The following CKAP5 variants were observed in gnomAD, a reference collection of about 807,000 sequenced individuals.
The protein encoded by CKAP5 is cytoskeleton associated protein 5.
A neutral mutation model predicts 232.8 loss-of-function variants in CKAP5; 27 were observed. The ratio of observed to expected loss-of-function variants is 0.12; its 90% CI spans 0.09 to 0.16. The LOEUF (loss-of-function observed/expected upper bound fraction) is 0.16. Ranked by LOEUF, CKAP5 falls within the 10% of genes least tolerant of loss-of-function variation. CKAP5 has a pLI of 1.00. For missense variants in CKAP5, 1,838 were observed against 2,424.7 expected (o/e 0.76, Z 5.08); for synonymous variants, 785 against 841.1 (o/e 0.93, Z 1.16).
At position 46,758,914 on chromosome 11, in the gene CKAP5, A is replaced by G; in HGVS notation, c.4689+9T>C. On this transcript the variant is annotated intron_variant, in intron 35 of 43. Transcript: ENST00000529230. The stretch of plus-strand genomic sequence containing the variant: ...AATGGAATCCCTGTCACGGGAGCAC[A>G]CCCATTACCTGTGTCAGAGCTTGGA... 6.2e-7 allele frequency: 1 copy of G among 1,613,332 alleles called. No homozygotes were observed. Among genetic ancestry groups the G allele is most frequent in the Non-Finnish European group, 8.5e-7 (1 of 1,179,726 alleles).
chr11:46,762,989 T>C lies in CKAP5; in HGVS notation c.3878A>G (p.Tyr1293Cys), dbSNP rs548517111. The change falls in exon 30 of 44, where the codon TAT becomes TGT. Residue 1293 changes from tyrosine (Y) to cysteine (C), a missense_variant. By Grantham distance (194) the Tyr-to-Cys change is radical. Transcript: ENST00000529230. ...TENEASSFIPYLVVKVGEPKD... is the reference protein window; with the variant it reads ...TENEASSFIPCLVVKVGEPKD... ...ACACCACATTACCTTGACGACAAGA[T>C]AGGGGATGAAGGAAGATGCTTCATT... 5 of 1,613,300 alleles carry C rather than the reference T, an allele frequency of 3.1e-6. No individual in the cohort carries two copies. The highest frequency in any genetic ancestry group is 3.3e-5 in the Admixed American group (2 of 60,004).
At chr11:46,844,005 G>A (rs1316991678) in intron 1 of CKAP5, among the ~76,000 whole-genome samples, 1 of 152,064 alleles carries the variant, frequency 6.6e-6, no homozygotes, top group African/African-American at 2.4e-5. Flanking sequence ...TGGATCATTT[G>A]AGGTCAGGAG....
In CKAP5 at chr11:46,765,108, G is replaced by A. The variant is rs533366841; in HGVS notation, c.3537+23C>T. ...ATAACAATACAAGCAAAAATCTCCT[G>A]ACGATTCTTAATCCTTCCTTACCTT... On this transcript the variant is annotated intron_variant, in intron 28 of 43. Transcript: ENST00000529230. 5.6e-6 allele frequency: 9 copies of A among 1,597,884 alleles called. No homozygotes were observed. In the African/African-American group the frequency reaches 1.2e-4, roughly 22 times the overall value.
intron 35 of CKAP5, among the ~76,000 whole-genome samples, chr11:46,755,429 G>A (rs1356735848): frequency 1.3e-5 from 2 of 151,712 alleles, no homozygotes; most frequent in African/African-American, 2.4e-5. Context: ...GGCTGGTCTC[G>A]AACTCTTGAC....
rs888218259 is a variant in CKAP5 at position 46,769,920 on chromosome 11, A to G, written c.3322+43T>C. ...GCTGAATGTCTTTTTAGAGTTCCTC[A>G]GGGCTATTTCCTTCCCCTTTAACCT... On this transcript the variant is annotated intron_variant, in intron 26 of 43. Transcript: ENST00000529230. 12 of 1,606,424 alleles carry G rather than the reference A, an allele frequency of 7.5e-6. No individual in the cohort carries two copies. The African/African-American group carries it at 1.3e-4, about 18-fold the overall frequency.
intron 42 of CKAP5, 110 bp downstream of exon 42, chr11:46,750,164 C>T (rs1007008191): frequency 7.0e-5 from 74 of 1,062,178 alleles, no homozygotes; most frequent in Non-Finnish European, 9.4e-5. Context: ...CATTTGGTGA[C>T]CATTAAGTAT....
intron 13 of CKAP5, among the ~76,000 whole-genome samples, chr11:46,792,547 T>C: frequency 6.8e-6 from 1 of 146,282 alleles, no homozygotes; most frequent in East Asian, 1.9e-4. Flanking sequence ...AAGGAGACTC[T>C]GTCTCAAAAA....
At chr11:46,776,846 A>AT (rs1485879865) in intron 23 of CKAP5, among the ~76,000 whole-genome samples, 1 of 150,306 alleles carries the variant, frequency 6.7e-6, no homozygotes, top group African/African-American at 2.4e-5. Flanking sequence ...ATTATATTAA[A>AT]TAAAGTTCCT....
chr11:46,770,074 C>T lies in CKAP5; in HGVS notation c.3211G>A (p.Ala1071Thr). The change falls in exon 26 of 44, where the codon GCC becomes ACC. Residue 1071 changes from alanine to threonine, a missense_variant. By Grantham distance (58) the Ala-to-Thr change is moderately conservative. Coordinates refer to ENST00000529230, the MANE Select transcript of CKAP5 (RefSeq NM_001008938.4). ...TTAACTTTGGCTTTCTCTAGCATGG[C>T]CAATACCTGATCTTTAGAAGTTGGC... ...LKPTSKDQVL[A>T]MLEKAKVNMP... 2 of 1,614,020 alleles carry T rather than the reference C, an allele frequency of 1.2e-6. No individual in the cohort carries two copies. Among genetic ancestry groups the T allele is most frequent in the Non-Finnish European group, 1.7e-6 (2 of 1,179,946 alleles).
At chr11:46,785,073 A>G (rs1304813095) in intron 16 of CKAP5, among the ~76,000 whole-genome samples, 2 of 152,174 alleles carry the variant, frequency 1.3e-5, no homozygotes, top group African/African-American at 4.8e-5. Context: ...GCCTACAAAA[A>G]CACTACAACC....
In CKAP5 at chr11:46,763,000, G is replaced by C. The variant is rs373595448; in HGVS notation, c.3867C>G (p.Ser1289=). 3 of 1,613,616 alleles carry C rather than the reference G, an allele frequency of 1.9e-6. No homozygotes were observed. The African/African-American group carries it at 4.0e-5, about 22-fold the overall frequency. Residue 1289 remains serine (S), a synonymous_variant, in exon 30 of 44, where the codon TCC becomes TCG. Coordinates refer to ENST00000529230, the MANE Select transcript of CKAP5 (RefSeq NM_001008938.4). ...EYHLTENEAS[S]FIPYLVVKVG... ...CCTTGACGACAAGATAGGGGATGAAGGAAGATGCTTCATTCTCAGTAAGAT... is the reference window on the plus strand; with the variant it reads ...CCTTGACGACAAGATAGGGGATGAACGAAGATGCTTCATTCTCAGTAAGAT...
At position 46,790,578 on chromosome 11, in the gene CKAP5, A is replaced by C. The variant is rs1475152786; in HGVS notation, c.1656T>G (p.Gly552=). Residue 552 remains glycine (G), a synonymous_variant, in exon 14 of 44, where the codon GGT becomes GGG. Coordinates refer to ENST00000529230, the MANE Select transcript of CKAP5 (RefSeq NM_001008938.4). ...PLKKAPAAKA[G]GPPKKGKPAA... ...CTGGTTTCCCCTTTTTTGGTGGCCC[A>C]CCAGCCTAAAAACAATTTAAAAAAT... 4 of 1,609,244 alleles carry C rather than the reference A, an allele frequency of 2.5e-6. No individual in the cohort carries two copies. The highest frequency in any genetic ancestry group is 3.4e-6 in the Non-Finnish European group (4 of 1,175,958).
At chr11:46,801,361 G>A in intron 8 of CKAP5, 57 bp from the exon 9 acceptor site, 1 of 1,339,522 alleles carries the variant, frequency 7.5e-7, no homozygotes, top group Admixed American at 1.7e-5. Context: ...GAAGGGTATT[G>A]AAATTTTATT....
At chr11:46,768,979 G>C (rs961621543) in intron 26 of CKAP5, among the ~76,000 whole-genome samples, 1 of 152,020 alleles carries the variant, frequency 6.6e-6, no homozygotes, top group African/African-American at 2.4e-5. Context: ...GAGTGCACTG[G>C]CGTGATCTTG....
intron 20 of CKAP5, among the ~76,000 whole-genome samples, 176 bp from the exon 21 acceptor site, chr11:46,778,775 A>G (rs544955058): frequency 6.6e-6 from 1 of 152,318 alleles, no homozygotes; most frequent in East Asian, 1.9e-4. Flanking sequence ...AGGTATTTTT[A>G]TACAAAACCT....
chr11:46,777,855 T>C (rs2065304532), intron 22 of CKAP5, among the ~76,000 whole-genome samples: 1 of 152,146 alleles, frequency 6.6e-6, no homozygotes, highest in East Asian at 1.9e-4. Flanking sequence ...CATTTAAAAA[T>C]CAGAAATCAT....
Position 46,751,077 on chromosome 11 carries a change from G to A in CKAP5, c.5460+41C>T, listed in dbSNP as rs1300037497. On this transcript the variant is annotated intron_variant, in intron 40 of 43. Transcript: ENST00000529230. Reference sequence around the variant, plus strand: ...CACCTTAGATAAGATCACTTCCGGTGTAGCCTCATGTCCCTCAATCTTTCA... The same window carrying A: ...CACCTTAGATAAGATCACTTCCGGTATAGCCTCATGTCCCTCAATCTTTCA... 5 of 1,612,408 alleles carry A rather than the reference G, an allele frequency of 3.1e-6. No homozygotes were observed. In the Admixed American group the frequency reaches 5.0e-5, roughly 16 times the overall value.
chr11:46,788,650 A>G lies in CKAP5; in HGVS notation c.1968+31T>C, dbSNP rs371590785. ...ATGATGTAATGTAAATTACTTCAAT[A>G]AAAGACATCAAATCTCACATTTTAA... is the stretch of plus-strand genomic sequence containing the variant. On this transcript the variant is annotated intron_variant, in intron 16 of 43. Coordinates refer to ENST00000529230, the MANE Select transcript of CKAP5 (RefSeq NM_001008938.4). 3 of 1,265,812 alleles carry G rather than the reference A, an allele frequency of 2.4e-6. No individual in the cohort carries two copies. The African/African-American group carries it at 4.4e-5, about 19-fold the overall frequency. 78.4% of individuals were successfully genotyped at this position (1,265,812 alleles called of 1,614,324 possible). A position where few individuals can be genotyped will look rare whatever the true frequency, so the allele number is the denominator to read the frequency against.
Position 46,807,118 on chromosome 11 carries a change from A to T in CKAP5, c.978+913T>A, listed in dbSNP as rs189213129. ...AAGAGTTACAGTGTTGTCGGCCAAG[A>T]GTTCAATGTTAATGAATCAACAACA... On this transcript the variant is annotated intron_variant, in intron 8 of 43. Coordinates refer to ENST00000529230, the MANE Select transcript of CKAP5 (RefSeq NM_001008938.4). 3.9e-5 allele frequency among the ~76,000 whole-genome samples: 6 copies of T among 152,312 alleles called. No homozygotes were observed. In the East Asian group the frequency reaches 1.2e-3, roughly 29 times the overall value.
Sources: allele counts gnomAD v4.1 joint callset (sites outside exome capture counted in the v4.1 genomes callset), GRCh38; gene constraint gnomAD v4.1.1; transcripts MANE v1.5; gene names NCBI Gene and HGNC (gene_info 2026-07-23, HGNC 2026-07-21).